STK38: variants seen among roughly 807,000 people sequenced by gnomAD.
STK38 encodes the protein serine/threonine kinase 38.
Under a neutral mutation model 59.0 loss-of-function variants are expected in STK38, and 26 were observed. The observed-to-expected ratio is 0.44, with a 90% CI of 0.32 to 0.61. The LOEUF is 0.61. Among genes scored for constraint, STK38 ranks in the 20% least tolerant of loss-of-function variants. The pLI is 0.04. For missense variants in STK38, 433 were observed against 566.0 expected, an observed-to-expected ratio of 0.76 and a Z score of 2.38; for synonymous variants, 175 against 176.6, an observed-to-expected ratio of 0.99 and a Z score of 0.07.
intron 2 of STK38, among the ~76,000 whole-genome samples, chr6:36,536,409 G>C (rs766364774): frequency 1.3e-5 from 2 of 152,120 alleles, no homozygotes; most frequent in Non-Finnish European, 1.5e-5. Flanking sequence ...CGTAGCTAAC[G>C]TAAGTCCAGC....
chr6:36,504,275 G>A (rs755156264), intron 9 of STK38, among the ~76,000 whole-genome samples: 1 of 152,118 alleles, frequency 6.6e-6, no homozygotes, highest in East Asian at 1.9e-4. Flanking sequence ...TATACAGGAC[G>A]ACATAACAAT....
chr6:36,541,992 C>A (rs1777949644), intron 1 of STK38, among the ~76,000 whole-genome samples: 1 of 151,880 alleles, frequency 6.6e-6, no homozygotes, highest in African/African-American at 2.4e-5. Context: ...CTGTGCCCAG[C>A]TAATTTTTTT....
chr6:36,514,766 T>A (rs1341365317), intron 7 of STK38, among the ~76,000 whole-genome samples: 2 of 149,936 alleles, frequency 1.3e-5, no homozygotes, highest in African/African-American at 4.9e-5. Flanking sequence ...GAGAATCGCT[T>A]GAACCCAGGA....
chr6:36,543,422 G>A (rs1310677031), intron 1 of STK38, among the ~76,000 whole-genome samples: 1 of 151,932 alleles, frequency 6.6e-6, no homozygotes, highest in African/African-American at 2.4e-5. Flanking sequence ...CTACTTCTCT[G>A]TCTCTTCATC....
chr6:36,519,888 C>G (rs954630597), intron 5 of STK38, among the ~76,000 whole-genome samples: 1 of 152,136 alleles, frequency 6.6e-6, no homozygotes, highest in Non-Finnish European at 1.5e-5. Flanking sequence ...TTAAATTTTT[C>G]CAGGTAGCAA....
At chr6:36,546,349 T>C (rs932684823) in intron 1 of STK38, among the ~76,000 whole-genome samples, 1 of 152,176 alleles carries the variant, frequency 6.6e-6, no homozygotes, top group African/African-American at 2.4e-5. Context: ...AGCTGGTATC[T>C]AACGTTTAGG....
chr6:36,495,771 C>T lies in STK38; in HGVS notation c.*13G>A, dbSNP rs770759485. 4.3e-6 allele frequency: 7 copies of T among 1,613,344 alleles called. No homozygotes were observed. The highest frequency in any genetic ancestry group is 1.3e-5 in the African/African-American group (1 of 74,886). On this transcript the variant is annotated 3_prime_UTR_variant, in exon 14 of 14. Coordinates refer to ENST00000229812, the MANE Select transcript of STK38 (RefSeq NM_007271.4). Reference sequence around the variant, plus strand: ...AAGAACTCTGCTCCACATAGGATTCCGTGGCAAGAGTACTATTTTGCTGCT... The same window carrying T: ...AAGAACTCTGCTCCACATAGGATTCTGTGGCAAGAGTACTATTTTGCTGCT...
At chr6:36,539,828 C>T (rs1377812148) in intron 2 of STK38, among the ~76,000 whole-genome samples, 2 of 150,238 alleles carry the variant, frequency 1.3e-5, no homozygotes, top group Non-Finnish European at 3.0e-5. Context: ...AAGCAATCCT[C>T]CCAACTCAAC....
chr6:36,498,339 A>G, intron 11 of STK38, 24 bp downstream of exon 11: 1 of 1,584,956 alleles, frequency 6.3e-7, no homozygotes, highest in Non-Finnish European at 8.5e-7. Flanking sequence ...CTGAGAAAGA[A>G]GGTGGAGGGA....
chr6:36,499,864 G>C lies in STK38; in HGVS notation c.952+9C>G. ...CACAGAAAAAGTCCTCTGAAACCAT[G>C]CAACTTACCGATGAGCATCTCATAC... On this transcript the variant is annotated intron_variant, in intron 10 of 13. Coordinates refer to ENST00000229812, the MANE Select transcript of STK38 (RefSeq NM_007271.4). 1 of 1,609,980 alleles carries C rather than the reference G, an allele frequency of 6.2e-7. No individual in the cohort carries two copies. The highest frequency in any genetic ancestry group is 8.5e-7 in the Non-Finnish European group (1 of 1,176,430).
intron 7 of STK38, among the ~76,000 whole-genome samples, chr6:36,512,175 T>C (rs577256836): frequency 3.1e-3 from 476 of 152,340 alleles, no homozygotes; most frequent in Non-Finnish European, 5.6e-3. Context: ...CTATTCTGAA[T>C]ATGCAACAGG....
At chr6:36,500,101 T>C in intron 9 of STK38, 111 bp from the exon 10 acceptor site, 1 of 789,204 alleles carries the variant, frequency 1.3e-6, no homozygotes, top group Non-Finnish European at 2.2e-6. Context: ...CCAAGCTAAA[T>C]AAGCAGGACT....
At chr6:36,543,016 T>A (rs1362155432) in intron 1 of STK38, among the ~76,000 whole-genome samples, 2 of 152,156 alleles carry the variant, frequency 1.3e-5, no homozygotes, top group African/African-American at 4.8e-5. Flanking sequence ...TTATCACACT[T>A]GGCCAAATTG....
At chr6:36,529,214 C>T (rs931136844) in intron 2 of STK38, among the ~76,000 whole-genome samples, 3 of 152,112 alleles carry the variant, frequency 2.0e-5, no homozygotes, top group Admixed American at 6.6e-5. Flanking sequence ...TTTGGAAATG[C>T]ATACTTGACA....
intron 4 of STK38, chr6:36,522,183 C>T (rs1306978175): frequency 5.6e-6 from 1 of 179,288 alleles, no homozygotes; most frequent in Non-Finnish European, 1.2e-5. Context: ...TTAATTAAAA[C>T]AAAAGTAGCT....
intron 6 of STK38, among the ~76,000 whole-genome samples, chr6:36,516,475 G>A (rs614028): frequency 0.44 from 66,696 of 152,084 alleles, 16,478 homozygotes; most frequent in African/African-American, 0.65. Flanking sequence ...TGCTTTTTCA[G>A]TTTCATTTCA....
chr6:36,538,217 T>G lies in STK38; in HGVS notation c.131+1855A>C, dbSNP rs188852897. ...TACTCGGGAGGCTAAGGTGGGAGAATGGCGTGAACCTGGGAGGCGGAGCTT... is the reference window on the plus strand; with the variant it reads ...TACTCGGGAGGCTAAGGTGGGAGAAGGGCGTGAACCTGGGAGGCGGAGCTT... On this transcript the variant is annotated intron_variant, in intron 2 of 13. Transcript: ENST00000229812. Among the ~76,000 whole-genome samples, 433 of 151,404 alleles carry G rather than the reference T, an allele frequency of 2.9e-3. 2 individuals are homozygous for G. Among genetic ancestry groups the G allele is most frequent in the Admixed American group, 0.025 (380 of 15,170 alleles).
chr6:36,496,332 G>A (rs1378088995), intron 13 of STK38, among the ~76,000 whole-genome samples: 5 of 152,042 alleles, frequency 3.3e-5, no homozygotes, highest in African/African-American at 9.7e-5. Context: ...ATGAGCCACC[G>A]CGCCTGGCCT....
rs56111125 is a variant in STK38 at position 36,524,406 on chromosome 6, T to G, written c.241A>C (p.Arg81=). 1,073 of 1,613,614 alleles carry G rather than the reference T, an allele frequency of 6.6e-4. 4 individuals carry two copies. The African/African-American group carries it at 0.011, about 17-fold the overall frequency. ...AAATCTTCCAATCCAAGTCTTGTTCTCTTCAAACGAAGAAACTCTGTTTCC... is the reference window on the plus strand; with the variant it reads ...AAATCTTCCAATCCAAGTCTTGTTCGCTTCAAACGAAGAAACTCTGTTTCC... ...RKETEFLRLK[R]TRLGLEDFES... Residue 81 remains arginine, a synonymous_variant, in exon 4 of 14, where the codon AGA becomes CGA. Coordinates refer to ENST00000229812, the MANE Select transcript of STK38 (RefSeq NM_007271.4).
Sources: gnomAD v4.1 joint callset for allele counts (sites outside exome capture counted in the v4.1 genomes callset) on GRCh38, gnomAD v4.1.1 for gene constraint, MANE v1.5 for transcripts, NCBI Gene and HGNC (gene_info 2026-07-23, HGNC 2026-07-21) for gene names.